The following SLC30A4 variants were observed in gnomAD, a reference collection of about 807,000 sequenced individuals.
SLC30A4 encodes the protein solute carrier family 30 member 4.
Under a neutral mutation model 41.7 loss-of-function variants are expected in SLC30A4, and 20 were observed. The ratio of observed to expected loss-of-function variants is 0.48; its 90% CI spans 0.34 to 0.70. The LOEUF is 0.70. Ranked by LOEUF, SLC30A4 falls within the 30% of genes least tolerant of loss-of-function variation. The pLI is 0.01. For synonymous variants in SLC30A4, 181 were observed against 195.9 expected (o/e 0.92, Z 0.64); for missense variants, 441 against 529.3 (o/e 0.83, Z 1.64).
intron 3 of SLC30A4, among the ~76,000 whole-genome samples, chr15:45,507,346 A>G (rs1238625945): frequency 1.3e-5 from 2 of 150,682 alleles, no homozygotes; most frequent in African/African-American, 4.9e-5. Flanking sequence ...ATAAATAAAT[A>G]AATAAATAAA....
chr15:45,497,921 G>A (rs550567505), intron 3 of SLC30A4, among the ~76,000 whole-genome samples: 6 of 152,112 alleles, frequency 3.9e-5, no homozygotes, highest in African/African-American at 1.2e-4. Flanking sequence ...GTAACTATGA[G>A]GCACTATAAC....
chr15:45,501,849 G>A (rs1250470507), intron 3 of SLC30A4, among the ~76,000 whole-genome samples: 1 of 151,904 alleles, frequency 6.6e-6, no homozygotes, highest in Admixed American at 6.6e-5. Context: ...ACCTGTTCCT[G>A]TCCCTATTTA....
In SLC30A4 at chr15:45,484,572, T is replaced by G. The variant is rs1891661984; in HGVS notation, c.*591A>C. On this transcript the variant is annotated 3_prime_UTR_variant, in exon 8 of 8. Transcript: ENST00000261867. ...ACCCTGTAGCATCTGGAAAAGGTTG[T>G]TTATAAAGTATAATCATAACAATAA... 1 of 152,194 alleles carries G rather than the reference T, an allele frequency of 6.6e-6. No individual in the cohort carries two copies. Among genetic ancestry groups the G allele is most frequent in the Admixed American group, 6.5e-5 (1 of 15,280 alleles). 9.4% of individuals were successfully genotyped at this position (152,194 alleles called of 1,614,324 possible).
intron 3 of SLC30A4, among the ~76,000 whole-genome samples, chr15:45,494,787 A>G (rs1344437376): frequency 6.6e-6 from 1 of 152,214 alleles, no homozygotes; most frequent in Non-Finnish European, 1.5e-5. Flanking sequence ...TACCACCAGG[A>G]GAACTTTAAC....
chr15:45,505,546 A>C (rs956511797), intron 3 of SLC30A4, among the ~76,000 whole-genome samples: 2 of 152,210 alleles, frequency 1.3e-5, no homozygotes, highest in African/African-American at 4.8e-5. Context: ...AGGGAATATT[A>C]CTTCTATCTG....
At chr15:45,513,599 T>C (rs1040406075) in intron 2 of SLC30A4, 1 of 152,210 alleles carries the variant, frequency 6.6e-6, no homozygotes. Flanking sequence ...CAAAAGCTTA[T>C]ACACATAGCA....
rs779793536 is a variant in SLC30A4, at chr15:45,522,138, C to T, written c.217G>A (p.Asp73Asn). The T allele has an allele frequency of 6.2e-7, 1 of 1,614,236 alleles. No homozygotes were observed. Among genetic ancestry groups the T allele is most frequent in the East Asian group, 2.2e-5 (1 of 44,880 alleles). The change falls in exon 2 of 8, where the codon GAT becomes AAT. Residue 73 changes from aspartate (D) to asparagine (N), a missense_variant. Around this residue, in one of 3 missense-constraint regions of SLC30A4, gnomAD observed 312 missense variants for 341.9 expected, o/e 0.91. Coordinates refer to ENST00000261867, the MANE Select transcript of SLC30A4 (RefSeq NM_013309.6). ...NGAHPTLQAD[D>N]DSLLDQDLPL... Reference sequence around the variant, plus strand: ...AAGTCTTGGTCCAGTAAGGAATCATCGTCGGCCTGGAGGGTCGGGTGCGCC... The same window carrying T: ...AAGTCTTGGTCCAGTAAGGAATCATTGTCGGCCTGGAGGGTCGGGTGCGCC...
intron 2 of SLC30A4, among the ~76,000 whole-genome samples, chr15:45,514,361 CAAAA>C (rs10595522): frequency 2.5e-5 from 3 of 119,288 alleles, no homozygotes; most frequent in South Asian, 5.8e-4. Flanking sequence ...AACTCTGTCT[CAAAA>C]AAAAAAAAAA....
rs959484518 is a variant in SLC30A4 at position 45,485,092 on chromosome 15, G to A, written c.*71C>T. 2.2e-5 allele frequency: 27 copies of A among 1,238,538 alleles called. No homozygotes were observed. In the Middle Eastern group the frequency reaches 9.4e-4, roughly 43 times the overall value. The allele number at this position is 1,238,538 out of a possible 1,614,324, so 76.7% of individuals were successfully genotyped here. A position where few individuals can be genotyped will look rare whatever the true frequency, so the allele number is the denominator to read the frequency against. On this transcript the variant is annotated 3_prime_UTR_variant, in exon 8 of 8. Transcript: ENST00000261867. ...GTCAGGGATTCCATTTTCTCATTTA[G>A]GTTTGCATTTATTGCTCTCAAGTCT...
rs544829018 is a variant in SLC30A4 at position 45,480,172 on chromosome 15, T to C, written c.*4991A>G. 13 of 152,288 alleles carry C rather than the reference T, an allele frequency of 8.5e-5. No individual in the cohort carries two copies. The South Asian group carries it at 1.7e-3, about 19-fold the overall frequency. 9.4% of individuals were successfully genotyped at this position (152,288 alleles called of 1,614,324 possible). On this transcript the variant is annotated 3_prime_UTR_variant, in exon 8 of 8. Coordinates refer to ENST00000261867, the MANE Select transcript of SLC30A4 (RefSeq NM_013309.6). ...TTAACTGGGAAAGTCTCCATAAATGTTTTCCAATCTTATCAAAAAGCAAAT... is the reference window on the plus strand; with the variant it reads ...TTAACTGGGAAAGTCTCCATAAATGCTTTCCAATCTTATCAAAAAGCAAAT...
Position 45,485,127 on chromosome 15 carries a change from G to A in SLC30A4, c.*36C>T. On this transcript the variant is annotated 3_prime_UTR_variant, in exon 8 of 8. Transcript: ENST00000261867. ...TATTGCTCTCAAGTCTGTGACTGCA[G>A]GATAAATAAGGCAGGAGTTCCCAAA... 2 of 1,568,088 alleles carry A rather than the reference G, an allele frequency of 1.3e-6. No individual in the cohort carries two copies. The highest frequency in any genetic ancestry group is 1.7e-6 in the Non-Finnish European group (2 of 1,146,756).
intron 7 of SLC30A4, 103 bp from the exon 8 acceptor site, chr15:45,485,420 T>C (rs1163511013): frequency 2.6e-6 from 2 of 756,470 alleles, no homozygotes; most frequent in Non-Finnish European, 4.1e-6. Context: ...ATATTTTTAT[T>C]AGTCTGATTT....
At chr15:45,485,543 C>T (rs1891683394) in intron 7 of SLC30A4, among the ~76,000 whole-genome samples, 4 of 152,150 alleles carry the variant, frequency 2.6e-5, no homozygotes, top group Admixed American at 2.6e-4. Context: ...AAATACCAGA[C>T]ATCAGTTACA....
rs1230502146 is a variant in SLC30A4, at chr15:45,481,911, A to AC, written c.*3251_*3252insG. 1 of 152,012 alleles carries AC rather than the reference A, an allele frequency of 6.6e-6. No individual in the cohort carries two copies. Among genetic ancestry groups the AC allele is most frequent in the African/African-American group, 2.4e-5 (1 of 41,356 alleles). The allele number at this position is 152,012 out of a possible 1,614,324, so 9.4% of individuals were successfully genotyped here. A position where few individuals can be genotyped will look rare whatever the true frequency, so the allele number is the denominator to read the frequency against. On this transcript the variant is annotated 3_prime_UTR_variant, in exon 8 of 8. Coordinates refer to ENST00000261867, the MANE Select transcript of SLC30A4 (RefSeq NM_013309.6). ...TGTACCTCACTTTAAGCAGAACACGATAGTTAAGATTTACAGAAGTTTTCA... is the reference window on the plus strand; with the variant it reads ...TGTACCTCACTTTAAGCAGAACACGACTAGTTAAGATTTACAGAAGTTTTCA...
At chr15:45,491,013 G>A (rs561457210) in intron 3 of SLC30A4, 132 bp from the exon 4 acceptor site, 9 of 567,904 alleles carry the variant, frequency 1.6e-5, no homozygotes, top group East Asian at 9.5e-5. Context: ...TTTCTGTCAC[G>A]TCATTTTTCT....
chr15:45,519,731 A>C (rs1376317244), intron 2 of SLC30A4: 1 of 152,264 alleles, frequency 6.6e-6, no homozygotes, highest in African/African-American at 2.4e-5. Flanking sequence ...GTGAGAAGTC[A>C]AGACAATTAT....
intron 3 of SLC30A4, among the ~76,000 whole-genome samples, chr15:45,491,650 G>A (rs1891812452): frequency 1.3e-5 from 2 of 152,200 alleles, no homozygotes; most frequent in East Asian, 1.9e-4. Context: ...ACATGTATGT[G>A]AACACCTAAT....
rs1892711589 is a variant in SLC30A4 at position 45,522,587 on chromosome 15, G to T, written c.-115+20C>A. 1 of 474,442 alleles carries T rather than the reference G, an allele frequency of 2.1e-6. No individual in the cohort carries two copies. Among genetic ancestry groups the T allele is most frequent in the Non-Finnish European group, 3.7e-6 (1 of 271,684 alleles). 29.4% of individuals were successfully genotyped at this position (474,442 alleles called of 1,614,324 possible). A position where few individuals can be genotyped will look rare whatever the true frequency, so the allele number is the denominator to read the frequency against. On this transcript the variant is annotated intron_variant, in intron 1 of 7. Transcript: ENST00000261867. ...CGCTCCGCCGGGGCTCCGCGAGGGG[G>T]CGGCACATCTATTTAATACCTGGGG...
At chr15:45,487,942 G>C (rs1193236573) in intron 5 of SLC30A4, among the ~76,000 whole-genome samples, 2 of 142,178 alleles carry the variant, frequency 1.4e-5, no homozygotes, top group Non-Finnish European at 3.1e-5. Context: ...GTGTGTGTGT[G>C]TGTCAAAGCT....
Sources: allele counts gnomAD v4.1 joint callset (sites outside exome capture counted in the v4.1 genomes callset), GRCh38; gene constraint gnomAD v4.1.1; regional missense constraint gnomAD v4.1.1; transcripts MANE v1.5; gene names NCBI Gene and HGNC (gene_info 2026-07-23, HGNC 2026-07-21).